WDR27: variants seen among roughly 807,000 people sequenced by gnomAD.
WDR27 encodes the protein WD repeat-containing protein 27.
WDR27 carries 100 observed loss-of-function variants against 114.4 expected under a neutral mutation model. The ratio of observed to expected loss-of-function variants is 0.87; its 90% CI spans 0.74 to 1.03. The LOEUF is 1.03. WDR27 is among the 50% of genes least tolerant of loss of function. WDR27 has a pLI of 0.00. For synonymous variants in WDR27, 449 were observed against 423.1 expected, an observed-to-expected ratio of 1.06 and a Z score of -0.75; for missense variants, 1,129 against 1,092.9, an observed-to-expected ratio of 1.03 and a Z score of -0.47.
chr6:169,573,388 A>G (rs1056548620), intron 24 of WDR27, among the ~76,000 whole-genome samples: 2 of 152,204 alleles, frequency 1.3e-5, no homozygotes, highest in African/African-American at 4.8e-5. Flanking sequence ...ATTACAGTTG[A>G]CCCCTGAACA....
At chr6:169,489,672 T>C (rs557487792) in intron 25 of WDR27, among the ~76,000 whole-genome samples, 14 of 152,312 alleles carry the variant, frequency 9.2e-5, no homozygotes, top group Admixed American at 7.2e-4. Flanking sequence ...TGGCTATTGG[T>C]CAGATCCCGC....
chr6:169,578,297 G>T (rs1802784028), intron 24 of WDR27, among the ~76,000 whole-genome samples: 1 of 152,122 alleles, frequency 6.6e-6, no homozygotes, highest in Non-Finnish European at 1.5e-5. Context: ...CTGCCGTTTG[G>T]GATATAAAAA....
At chr6:169,557,267 C>G (rs1459956772) in intron 25 of WDR27, among the ~76,000 whole-genome samples, 2 of 152,202 alleles carry the variant, frequency 1.3e-5, no homozygotes, top group African/African-American at 4.8e-5. Context: ...AATCATTACA[C>G]AGAGGCCAAG....
At position 169,589,621 on chromosome 6, in the gene WDR27, T is replaced by C. The variant is rs183336058; in HGVS notation, c.2425-6687A>G. On this transcript the variant is annotated intron_variant, in intron 23 of 25. Transcript: ENST00000448612. ...TTCTTGGGGTACATGAATTTTCTGA[T>C]CATGACAACTTTACATGTGACACAG... Among the ~76,000 whole-genome samples the C allele has an allele frequency of 3.2e-4, 49 of 152,326 alleles. No homozygotes were observed. In the East Asian group the frequency reaches 9.1e-3, roughly 28 times the overall value.
At chr6:169,624,117 G>C (rs1218031266) in intron 21 of WDR27, among the ~76,000 whole-genome samples, 3 of 152,066 alleles carry the variant, frequency 2.0e-5, no homozygotes, top group African/African-American at 7.2e-5. Context: ...GCCGTGTGTG[G>C]GGTCAGGTGT....
At chr6:169,571,062 T>C in intron 25 of WDR27, among the ~76,000 whole-genome samples, 1 of 152,170 alleles carries the variant, frequency 6.6e-6, no homozygotes, top group East Asian at 1.9e-4. Context: ...TGCTCCTGAA[T>C]TTATAAATTA....
At chr6:169,466,081 A>G (rs1375952267) in intron 25 of WDR27, among the ~76,000 whole-genome samples, 1 of 152,210 alleles carries the variant, frequency 6.6e-6, no homozygotes, top group African/African-American at 2.4e-5. Flanking sequence ...ACTTCTTACT[A>G]TTATTTGTAA....
At chr6:169,567,967 T>G (rs577035950) in intron 25 of WDR27, among the ~76,000 whole-genome samples, 1 of 152,314 alleles carries the variant, frequency 6.6e-6, no homozygotes, top group Non-Finnish European at 1.5e-5. Flanking sequence ...GCTCCAGTGC[T>G]GAGAACACAG....
intron 25 of WDR27, among the ~76,000 whole-genome samples, chr6:169,483,523 CA>C (rs1342735581): frequency 1.3e-5 from 2 of 152,236 alleles, no homozygotes; most frequent in East Asian, 3.9e-4. Flanking sequence ...AATAAATAGC[CA>C]GCCAACCAAA....
chr6:169,475,632 T>C (rs548560260), intron 25 of WDR27, among the ~76,000 whole-genome samples: 9 of 152,354 alleles, frequency 5.9e-5, no homozygotes, highest in African/African-American at 9.6e-5. Flanking sequence ...TCTCTAAACA[T>C]TGTACCAAAT....
chr6:169,451,817 A>G, the WDR27 span, among the ~76,000 whole-genome samples: 10 of 152,310 alleles, frequency 6.6e-5, no homozygotes, highest in African/African-American at 1.9e-4. Flanking sequence ...ATTGTCATAT[A>G]TGTGTCTTCT....
intron 25 of WDR27, among the ~76,000 whole-genome samples, chr6:169,548,955 G>C (rs139979152): frequency 5.9e-5 from 9 of 152,162 alleles, no homozygotes; most frequent in Non-Finnish European, 1.3e-4. Flanking sequence ...ATAATTCCTA[G>C]AAGATAACAT....
chr6:169,449,604 C>CT, the WDR27 span, among the ~76,000 whole-genome samples: 2 of 152,198 alleles, frequency 1.3e-5, no homozygotes, highest in Non-Finnish European at 2.9e-5. Flanking sequence ...CCTGCCCCAG[C>CT]CCCACCATCT....
intron 25 of WDR27, among the ~76,000 whole-genome samples, chr6:169,467,903 G>GT (rs1785819229): frequency 6.6e-6 from 1 of 152,124 alleles, no homozygotes; most frequent in Non-Finnish European, 1.5e-5. Flanking sequence ...CCTTTTAAAC[G>GT]TAAGTTCCAA....
intron 6 of WDR27, 94 bp from the exon 7 acceptor site, chr6:169,665,650 T>A: frequency 8.7e-7 from 1 of 1,149,336 alleles, no homozygotes; most frequent in Non-Finnish European, 1.2e-6. Flanking sequence ...TTACACGTAA[T>A]ATTTACTTAC....
At chr6:169,671,960 T>C (rs895924771) in intron 3 of WDR27, 2 of 221,004 alleles carry the variant, frequency 9.0e-6, no homozygotes, top group Admixed American at 5.7e-5. Context: ...TTCAGGTTGA[T>C]ACAAAATGGA....
intron 25 of WDR27, among the ~76,000 whole-genome samples, chr6:169,502,717 T>G (rs1435568726): frequency 3.3e-5 from 5 of 152,060 alleles, no homozygotes; most frequent in African/African-American, 1.2e-4. Context: ...GGGCCCTGGG[T>G]CACCCGGGGT....
intron 21 of WDR27, 72 bp from the exon 22 acceptor site, chr6:169,613,728 T>C: frequency 1.6e-6 from 2 of 1,278,378 alleles, no homozygotes; most frequent in Non-Finnish European, 2.2e-6. Context: ...TAATGATATC[T>C]CATAATAGCT....
In WDR27 at chr6:169,659,801, G is replaced by C. The variant is rs1473707159; in HGVS notation, c.1130-283C>G. Among the ~76,000 whole-genome samples, 1 of 152,130 alleles carries C rather than the reference G, an allele frequency of 6.6e-6. No individual in the cohort carries two copies. The highest frequency in any genetic ancestry group is 2.4e-5 in the African/African-American group (1 of 41,434). ...GACTCGGACTGAGACCTGCAGCTCA[G>C]CCTCCTGGAGAAGCCACATGTCCAG... On this transcript the variant is annotated intron_variant, in intron 10 of 25. Coordinates refer to ENST00000448612, the MANE Select transcript of WDR27 (RefSeq NM_182552.5). This position sits in a 1 kb window ranked among gnomAD's most constrained non-coding sequence, Gnocchi z 4.3.
Sources: allele counts gnomAD v4.1 joint callset (sites outside exome capture counted in the v4.1 genomes callset), GRCh38; gene constraint gnomAD v4.1.1; non-coding constraint Gnocchi (gnomAD v3.1); transcripts MANE v1.5; gene names NCBI Gene and HGNC (gene_info 2026-07-23, HGNC 2026-07-21).